Variants in MAPKAPK2 observed in about 807,000 individuals in gnomAD.
MAPKAPK2 encodes the protein MAP kinase-activated protein kinase 2.
A neutral mutation model predicts 48.8 loss-of-function variants in MAPKAPK2; 9 were observed. That is an observed-to-expected ratio of 0.18 (90% CI 0.11 to 0.32). The LOEUF (loss-of-function observed/expected upper bound fraction) is 0.32. Ranked by LOEUF, MAPKAPK2 falls within the 10% of genes least tolerant of loss-of-function variation. The pLI is 1.00. For missense variants in MAPKAPK2, 331 were observed against 498.3 expected, an observed-to-expected ratio of 0.66 and a Z score of 3.20; for synonymous variants, 202 against 190.6, an observed-to-expected ratio of 1.06 and a Z score of -0.49.
chr1:206,727,217 C>G (rs1382848917), intron 1 of MAPKAPK2, among the ~76,000 whole-genome samples: 1 of 152,198 alleles, frequency 6.6e-6, no homozygotes, highest in African/African-American at 2.4e-5. Context: ...ATAAAAATGA[C>G]AGCTATTAGT....
At chr1:206,688,369 G>A (rs1309872588) in intron 1 of MAPKAPK2, among the ~76,000 whole-genome samples, 1 of 152,128 alleles carries the variant, frequency 6.6e-6, no homozygotes, top group Non-Finnish European at 1.5e-5. Flanking sequence ...ACTGAGCCAC[G>A]GGCTCAGGCA....
intron 1 of MAPKAPK2, chr1:206,696,241 T>G: frequency 1.4e-6 from 2 of 1,390,182 alleles, no homozygotes; most frequent in South Asian, 2.3e-5. Flanking sequence ...CTGTTCTTCC[T>G]TCTTTTCCTT....
intron 1 of MAPKAPK2, among the ~76,000 whole-genome samples, chr1:206,728,307 C>T (rs1673774986): frequency 6.6e-6 from 1 of 152,110 alleles, no homozygotes; most frequent in African/African-American, 2.4e-5. Flanking sequence ...ACTCTGGAGT[C>T]TCTCTTCTCT....
chr1:206,695,345 GC>G (rs1195860165), intron 1 of MAPKAPK2, among the ~76,000 whole-genome samples: 1 of 152,060 alleles, frequency 6.6e-6, no homozygotes, highest in Non-Finnish European at 1.5e-5. Flanking sequence ...TTTGCCCAGA[GC>G]CCAGCTCTGA....
intron 1 of MAPKAPK2, among the ~76,000 whole-genome samples, chr1:206,701,607 G>A (rs1672796099): frequency 6.6e-6 from 1 of 152,056 alleles, no homozygotes; most frequent in Non-Finnish European, 1.5e-5. Context: ...GCTGAGGCAG[G>A]CAAATTGCTT....
chr1:206,719,317 T>G (rs1014036188), intron 1 of MAPKAPK2, among the ~76,000 whole-genome samples: 1 of 152,222 alleles, frequency 6.6e-6, no homozygotes. Context: ...TGGCCCGCAG[T>G]CGAGCCAGGC....
At chr1:206,728,594 C>G (rs1350109453) in intron 1 of MAPKAPK2, 116 bp from the exon 2 acceptor site, 40 of 1,193,648 alleles carry the variant, frequency 3.4e-5, no homozygotes, top group Middle Eastern at 3.0e-4. Flanking sequence ...GTGGGGGGGG[C>G]CAGCAGGAGT....
At chr1:206,703,001 C>A (rs1672847885) in intron 1 of MAPKAPK2, among the ~76,000 whole-genome samples, 1 of 152,220 alleles carries the variant, frequency 6.6e-6, no homozygotes, top group Admixed American at 6.5e-5. Context: ...ACTCAAATTA[C>A]AGCCCCCTGC....
chr1:206,730,034 C>T lies in MAPKAPK2; in HGVS notation c.627C>T (p.Gly209=), dbSNP rs934830234. 4 of 1,614,118 alleles carry T rather than the reference C, an allele frequency of 2.5e-6. No homozygotes were observed. The highest frequency in any genetic ancestry group is 3.4e-6 in the Non-Finnish European group (4 of 1,180,052). The part of the protein sequence containing the change: ...PNAILKLTDF[G]FAKETTSHNS... ...CCATCCTGAAACTCACTGACTTTGG[C>T]TTTGCCAAGGAAACCACCAGCCACA... The change falls in exon 5 of 10, where the codon GGC becomes GGT. Residue 209 remains glycine, a synonymous_variant. Transcript: ENST00000367103.
chr1:206,728,576 G>A, intron 1 of MAPKAPK2, 134 bp from the exon 2 acceptor site: 3 of 960,938 alleles, frequency 3.1e-6, no homozygotes, highest in East Asian at 2.6e-5. Context: ...AATGTGCCAA[G>A]GGGGCTGGTG....
intron 1 of MAPKAPK2, among the ~76,000 whole-genome samples, chr1:206,709,112 G>A (rs1441945932): frequency 6.6e-6 from 1 of 152,196 alleles, no homozygotes; most frequent in Non-Finnish European, 1.5e-5. Context: ...ACAACGAGGA[G>A]TGTGATTGCA....
chr1:206,688,739 G>A (rs1323354992), intron 1 of MAPKAPK2, among the ~76,000 whole-genome samples: 7 of 152,030 alleles, frequency 4.6e-5, no homozygotes, highest in African/African-American at 1.7e-4. Flanking sequence ...CCAGGTCCAC[G>A]CCATTCTGCC....
chr1:206,726,889 A>G (rs1369577109), intron 1 of MAPKAPK2, among the ~76,000 whole-genome samples: 6 of 152,180 alleles, frequency 3.9e-5, no homozygotes, highest in African/African-American at 1.2e-4. Context: ...TGGCTCCATC[A>G]TGGCCATCTG....
chr1:206,693,806 C>T (rs1456159572), intron 1 of MAPKAPK2, among the ~76,000 whole-genome samples: 1 of 152,202 alleles, frequency 6.6e-6, no homozygotes, highest in East Asian at 1.9e-4. Context: ...CTTTGGGCTA[C>T]CACATTCAAA....
intron 1 of MAPKAPK2, among the ~76,000 whole-genome samples, chr1:206,702,166 A>C (rs1553428007): frequency 6.6e-6 from 1 of 152,164 alleles, no homozygotes; most frequent in East Asian, 1.9e-4. Context: ...TTAAGGAAAA[A>C]TTCGCTGTTG....
At chr1:206,700,853 C>T (rs968763203) in intron 1 of MAPKAPK2, among the ~76,000 whole-genome samples, 4 of 152,184 alleles carry the variant, frequency 2.6e-5, no homozygotes, top group African/African-American at 9.7e-5. Flanking sequence ...TCCCTGAGAA[C>T]GAGGGCTGCT....
chr1:206,725,783 T>C (rs1673684838), intron 1 of MAPKAPK2, among the ~76,000 whole-genome samples: 1 of 152,168 alleles, frequency 6.6e-6, no homozygotes, highest in African/African-American at 2.4e-5. Flanking sequence ...TTCTTTCTGC[T>C]TGGCTGCTCT....
Position 206,733,063 on chromosome 1 carries a change from G to T in MAPKAPK2, c.*345G>T, listed in dbSNP as rs570686602. 2 of 232,308 alleles carry T rather than the reference G, an allele frequency of 8.6e-6. No individual in the cohort carries two copies. The highest frequency in any genetic ancestry group is 1.6e-4 in the South Asian group (2 of 12,758). The allele number at this position is 232,308 out of a possible 1,614,324, so 14.4% of individuals were successfully genotyped here. A position where few individuals can be genotyped will look rare whatever the true frequency, so the allele number is the denominator to read the frequency against. Reference sequence around the variant, plus strand: ...GCCTTCCTCTCTGGATACTGCAAAGGCTTGTGGTTTGTTAGAGGGTATTTG... The same window carrying T: ...GCCTTCCTCTCTGGATACTGCAAAGTCTTGTGGTTTGTTAGAGGGTATTTG... On this transcript the variant is annotated 3_prime_UTR_variant, in exon 10 of 10. Coordinates refer to ENST00000367103, the MANE Select transcript of MAPKAPK2 (RefSeq NM_032960.4).
chr1:206,695,547 C>T (rs1480591081), intron 1 of MAPKAPK2, among the ~76,000 whole-genome samples: 1 of 151,594 alleles, frequency 6.6e-6, no homozygotes, highest in Non-Finnish European at 1.5e-5. Context: ...CTTTCCACCC[C>T]CACACCTTAG....
Sources: gnomAD v4.1 joint callset for allele counts (sites outside exome capture counted in the v4.1 genomes callset) on GRCh38, gnomAD v4.1.1 for gene constraint, MANE v1.5 for transcripts, NCBI Gene and HGNC (gene_info 2026-07-23, HGNC 2026-07-21) for gene names.